Variants in MMS22L observed in about 807,000 individuals in gnomAD.
The protein encoded by MMS22L is MMS22 like, DNA repair protein.
A neutral mutation model predicts 159.1 loss-of-function variants in MMS22L; 74 were observed. That is an observed-to-expected ratio of 0.47 (90% CI 0.39 to 0.56). The LOEUF (loss-of-function observed/expected upper bound fraction) is 0.56. Among genes scored for constraint, MMS22L ranks in the 20% least tolerant of loss-of-function variants. The pLI is 0.00. For missense variants in MMS22L, 1,351 were observed against 1,422.1 expected (o/e 0.95, Z 0.80); for synonymous variants, 517 against 506.9 (o/e 1.02, Z -0.27).
chr6:97,175,109 A>G (rs1468673290), intron 18 of MMS22L, among the ~76,000 whole-genome samples: 1 of 152,204 alleles, frequency 6.6e-6, no homozygotes, highest in East Asian at 1.9e-4. Context: ...TATTTATGAT[A>G]TTAGAAAATT....
chr6:97,178,508 T>G lies in MMS22L; in HGVS notation c.2614A>C (p.Lys872Gln). ...ATGGATAAATATTCAACTTGGGCCT[T>G]TGAGAAAATACTCTTTACTTCTGAG... ...NLSEVKSIFSKAQVEYLSISE... is the reference protein window; with the variant it reads ...NLSEVKSIFSQAQVEYLSISE... Residue 872 changes from lysine (K) to glutamine (Q), a missense_variant, in exon 18 of 25, where the codon AAG (lysine) becomes CAG (glutamine). Physicochemically the swap from Lys to Gln is moderately conservative, Grantham distance 53. Transcript: ENST00000683635. 1 of 1,590,328 alleles carries G rather than the reference T, an allele frequency of 6.3e-7. No individual in the cohort carries two copies. The highest frequency in any genetic ancestry group is 8.6e-7 in the Non-Finnish European group (1 of 1,164,346).
chr6:97,250,183 G>A (rs1057137290), intron 10 of MMS22L, among the ~76,000 whole-genome samples: 2 of 151,972 alleles, frequency 1.3e-5, no homozygotes, highest in Non-Finnish European at 1.5e-5. Flanking sequence ...ATAGAAAGCA[G>A]GTAGGATGTC....
chr6:97,187,156 T>G (rs1217278020), intron 14 of MMS22L, among the ~76,000 whole-genome samples: 2 of 152,346 alleles, frequency 1.3e-5, no homozygotes, highest in Admixed American at 1.3e-4. Context: ...ACAGGCCTTG[T>G]GTAGTAGACA....
At chr6:97,172,894 A>G (rs1803694944) in intron 19 of MMS22L, among the ~76,000 whole-genome samples, 169 bp downstream of exon 19, 1 of 152,166 alleles carries the variant, frequency 6.6e-6, no homozygotes, top group Non-Finnish European at 1.5e-5. Context: ...CAAGACAGAG[A>G]TACATTTGAA....
At chr6:97,224,346 G>A (rs1809989406) in intron 14 of MMS22L, among the ~76,000 whole-genome samples, 1 of 151,968 alleles carries the variant, frequency 6.6e-6, no homozygotes, top group African/African-American at 2.4e-5. Context: ...ATATTTGCAA[G>A]AAATATTTTT....
intron 22 of MMS22L, among the ~76,000 whole-genome samples, chr6:97,157,953 C>A (rs904673936): frequency 1.3e-5 from 2 of 151,968 alleles, no homozygotes; most frequent in African/African-American, 2.4e-5. Flanking sequence ...TGGTCCTAGG[C>A]TTTTTTTGGT....
chr6:97,214,688 T>TG (rs955088409), intron 14 of MMS22L, among the ~76,000 whole-genome samples: 1 of 149,736 alleles, frequency 6.7e-6, no homozygotes, highest in Non-Finnish European at 1.5e-5. Flanking sequence ...TTTTTTTGTT[T>TG]TTTTTTTTTT....
At chr6:97,156,328 T>C (rs1801838199) in intron 22 of MMS22L, among the ~76,000 whole-genome samples, 1 of 152,188 alleles carries the variant, frequency 6.6e-6, no homozygotes, top group African/African-American at 2.4e-5. Flanking sequence ...TTTAATTAGA[T>C]CCCATTTATA....
intron 21 of MMS22L, 88 bp downstream of exon 21, chr6:97,165,158 G>T (rs1333822540): frequency 9.7e-6 from 11 of 1,129,426 alleles, no homozygotes; most frequent in African/African-American, 1.6e-5. Flanking sequence ...TATCCTAAGG[G>T]TTGCCAATAT....
Position 97,254,723 on chromosome 6 carries a change from T to C in MMS22L, c.953A>G (p.Asn318Ser), listed in dbSNP as rs1203056392. 1 of 1,596,212 alleles carries C rather than the reference T, an allele frequency of 6.3e-7. No homozygotes were observed. The highest frequency in any genetic ancestry group is 1.8e-5 in the Admixed American group (1 of 55,202). Residue 318 changes from asparagine to serine, a missense_variant, in exon 10 of 25, where the codon AAC becomes AGC. By Grantham distance (46) the Asn-to-Ser change is conservative. Transcript: ENST00000683635. ...SKWFVSESFW[N>S]WLNKLLKTLL... ...TGTTTTAAGTAGTTTATTCAACCAG[T>C]TCCAAAATGACTATAGAAACAGAAG...
Position 97,246,660 on chromosome 6 carries a change from C to T in MMS22L, c.1150G>A (p.Glu384Lys). ...CTGATGGACTTTTTCAGCAGTTCTTCTACAAAGTTCCAATTTGATTCCACT... is the reference window on the plus strand; with the variant it reads ...CTGATGGACTTTTTCAGCAGTTCTTTTACAAAGTTCCAATTTGATTCCACT... ...RKVESNWNFV[E>K]ELLKKSISVQ... Residue 384 changes from glutamate (E) to lysine (K), a missense_variant, in exon 11 of 25, where the codon GAA (glutamate) becomes AAA (lysine). Physicochemically the swap from Glu to Lys is moderately conservative, Grantham distance 56. Transcript: ENST00000683635. 1 of 1,611,506 alleles carries T rather than the reference C, an allele frequency of 6.2e-7. No individual in the cohort carries two copies. Among genetic ancestry groups the T allele is most frequent in the East Asian group, 2.2e-5 (1 of 44,658 alleles).
chr6:97,186,059 A>G (rs936366610), intron 15 of MMS22L, among the ~76,000 whole-genome samples: 3 of 152,166 alleles, frequency 2.0e-5, no homozygotes, highest in Non-Finnish European at 4.4e-5. Flanking sequence ...AGTCAGAACA[A>G]TAACATCCTA....
chr6:97,165,803 AAC>A (rs1802906934), intron 20 of MMS22L, among the ~76,000 whole-genome samples: 1 of 152,154 alleles, frequency 6.6e-6, no homozygotes, highest in Admixed American at 6.6e-5. Context: ...AAAGTTATAA[AAC>A]ACCTTTAGGT....
chr6:97,238,971 T>C (rs1010773024), intron 11 of MMS22L, among the ~76,000 whole-genome samples: 2 of 142,150 alleles, frequency 1.4e-5, no homozygotes, highest in Non-Finnish European at 3.1e-5. Flanking sequence ...GGTTATTATA[T>C]ATAATTTAAC....
Position 97,146,699 on chromosome 6 carries a change from A to G in MMS22L, c.*107T>C. 1 of 724,962 alleles carries G rather than the reference A, an allele frequency of 1.4e-6. No individual in the cohort carries two copies. Among genetic ancestry groups the G allele is most frequent in the Non-Finnish European group, 2.1e-6 (1 of 478,798 alleles). 44.9% of individuals were successfully genotyped at this position (724,962 alleles called of 1,614,324 possible). On this transcript the variant is annotated 3_prime_UTR_variant, in exon 25 of 25. Coordinates refer to ENST00000683635, the MANE Select transcript of MMS22L (RefSeq NM_001350599.2). ...TATAAAAGGAAAAAAAATCCTAGAA[A>G]TTATTTTAAACAGAACATTATACAA... is the stretch of plus-strand genomic sequence containing the variant.
At chr6:97,201,087 C>G (rs2128300268) in intron 14 of MMS22L, among the ~76,000 whole-genome samples, 1 of 152,050 alleles carries the variant, frequency 6.6e-6, no homozygotes, top group East Asian at 1.9e-4. Context: ...TTAAAAAACA[C>G]ACAGAAAAAA....
At chr6:97,215,982 C>A (rs1311641175) in intron 14 of MMS22L, among the ~76,000 whole-genome samples, 2 of 152,084 alleles carry the variant, frequency 1.3e-5, no homozygotes, top group African/African-American at 4.8e-5. Context: ...AAAGAAGAAA[C>A]AATTGAAATT....
chr6:97,267,032 AG>A (rs1427542178), intron 8 of MMS22L: 4 of 152,212 alleles, frequency 2.6e-5, no homozygotes, highest in African/African-American at 9.6e-5. Context: ...TATGCTAATT[AG>A]CTATATTTAG....
chr6:97,216,494 T>G (rs1230809467), intron 14 of MMS22L, among the ~76,000 whole-genome samples: 1 of 152,216 alleles, frequency 6.6e-6, no homozygotes, highest in Non-Finnish European at 1.5e-5. Context: ...TTTATCATAC[T>G]GAGTTTTTTT....
Sources: gnomAD v4.1 joint callset for allele counts (sites outside exome capture counted in the v4.1 genomes callset) on GRCh38, gnomAD v4.1.1 for gene constraint, MANE v1.5 for transcripts, NCBI Gene and HGNC (gene_info 2026-07-23, HGNC 2026-07-21) for gene names.